Variants in MLANA observed in about 807,000 individuals in gnomAD.
MLANA encodes melan-A, also known as melanoma antigen recognized by T-cells 1.
MLANA carries 21 observed loss-of-function variants against 15.7 expected under a neutral mutation model. The ratio of observed to expected loss-of-function variants is 1.33; its 90% CI spans 0.95 to 1.92. The LOEUF is 1.92. Ranked by LOEUF, MLANA falls within the 40% of genes most tolerant of loss-of-function variation. The pLI, the probability that MLANA is intolerant of heterozygous loss-of-function variation, is 0.00. For missense variants in MLANA, 164 were observed against 143.8 expected (o/e 1.14, Z -0.72); for synonymous variants, 56 against 51.5 (o/e 1.09, Z -0.37).
intron 2 of MLANA, among the ~76,000 whole-genome samples, chr9:5,893,878 C>G (rs2129892937): frequency 6.6e-6 from 1 of 151,852 alleles, no homozygotes; most frequent in East Asian, 1.9e-4. Flanking sequence ...TCAAGGGGCA[C>G]ACGTCACTTC....
intron 2 of MLANA, among the ~76,000 whole-genome samples, chr9:5,896,171 T>C (rs1248011118): frequency 6.6e-6 from 1 of 152,226 alleles, no homozygotes; most frequent in African/African-American, 2.4e-5. Flanking sequence ...TGTGCAGCCC[T>C]GGGCACTTGA....
intron 2 of MLANA, among the ~76,000 whole-genome samples, chr9:5,893,104 C>A (rs1254447125): frequency 6.6e-6 from 1 of 152,206 alleles, no homozygotes; most frequent in Non-Finnish European, 1.5e-5. Flanking sequence ...TTAAGCATTT[C>A]TAAATGCTAA....
chr9:5,896,943 G>A (rs1296335242), intron 2 of MLANA, among the ~76,000 whole-genome samples: 1 of 152,164 alleles, frequency 6.6e-6, no homozygotes, highest in Admixed American at 6.5e-5. Flanking sequence ...GGGAAGGGAG[G>A]GCACGAACAT....
rs1794375450 is a variant in MLANA at position 5,908,495 on chromosome 9, T to C, written c.289-145T>C. ...TATACTTGTGAAATTTAACAATTAC[T>C]TCACTGGGCAGAAATTATATGGGAA... is the stretch of plus-strand genomic sequence containing the variant. On this transcript the variant is annotated intron_variant, in intron 4 of 4. Transcript: ENST00000381477. The C allele has an allele frequency of 1.2e-4, 90 of 720,988 alleles. No homozygotes were observed. The South Asian group carries it at 1.6e-3, about 13-fold the overall frequency. 44.7% of individuals were successfully genotyped at this position (720,988 alleles called of 1,614,324 possible).
intron 3 of MLANA, among the ~76,000 whole-genome samples, chr9:5,903,889 G>A (rs992941222): frequency 2.7e-5 from 4 of 150,538 alleles, no homozygotes; most frequent in Admixed American, 1.3e-4. Flanking sequence ...ACAGAGTCTC[G>A]CTGTGTCACC....
At chr9:5,900,155 C>T (rs1217691237) in intron 3 of MLANA, among the ~76,000 whole-genome samples, 1 of 152,102 alleles carries the variant, frequency 6.6e-6, no homozygotes, top group African/African-American at 2.4e-5. Context: ...TTCTTTTCTG[C>T]TTCAATGCTC....
intron 4 of MLANA, among the ~76,000 whole-genome samples, chr9:5,908,035 G>T (rs1455297361): frequency 6.6e-6 from 1 of 152,170 alleles, no homozygotes; most frequent in Non-Finnish European, 1.5e-5. Context: ...ATACAACACA[G>T]CATAATGGTT....
At chr9:5,902,821 A>T (rs1221175961) in intron 3 of MLANA, among the ~76,000 whole-genome samples, 1 of 151,806 alleles carries the variant, frequency 6.6e-6, no homozygotes, top group East Asian at 1.9e-4. Flanking sequence ...TCTTGTTTTC[A>T]ATTTCATTGA....
In MLANA at chr9:5,909,565, A is replaced by T. The variant is rs1389954050; in HGVS notation, c.*857A>T. ...GAGCCACCACGCCTGGCTGGATCCT[A>T]TATCTTAGGTAAGACATATAACGCA... On this transcript the variant is annotated 3_prime_UTR_variant, in exon 5 of 5. Transcript: ENST00000381477. 1 of 152,230 alleles carries T rather than the reference A, an allele frequency of 6.6e-6. No individual in the cohort carries two copies. The highest frequency in any genetic ancestry group is 1.5e-5 in the Non-Finnish European group (1 of 68,052). 9.4% of individuals were successfully genotyped at this position (152,230 alleles called of 1,614,324 possible). A position where few individuals can be genotyped will look rare whatever the true frequency, so the allele number is the denominator to read the frequency against.
intron 2 of MLANA, among the ~76,000 whole-genome samples, chr9:5,892,846 G>C (rs1193440831): frequency 1.3e-5 from 2 of 152,172 alleles, no homozygotes; most frequent in African/African-American, 4.8e-5. Context: ...AAAAACATCT[G>C]TTCAGGATCA....
At chr9:5,896,649 G>T (rs540147114) in intron 2 of MLANA, among the ~76,000 whole-genome samples, 1 of 152,172 alleles carries the variant, frequency 6.6e-6, no homozygotes, top group African/African-American at 2.4e-5. Flanking sequence ...CAGTTCTGTC[G>T]ATTTTGATCA....
Position 5,910,076 on chromosome 9 carries a change from T to C in MLANA, c.*1368T>C, listed in dbSNP as rs1307613488. 1 of 152,214 alleles carries C rather than the reference T, an allele frequency of 6.6e-6. No individual in the cohort carries two copies. Among genetic ancestry groups the C allele is most frequent in the Non-Finnish European group, 1.5e-5 (1 of 68,032 alleles). 9.4% of individuals were successfully genotyped at this position (152,214 alleles called of 1,614,324 possible). ...AAATACTAATGGTCACAGAAGGCTA[T>C]GAACCTGAGACCTGCTCTCTTTGTC... On this transcript the variant is annotated 3_prime_UTR_variant, in exon 5 of 5. Transcript: ENST00000381477.
In MLANA at chr9:5,910,553, T is replaced by G. The variant is rs984319024; in HGVS notation, c.*1845T>G. 2.6e-5 allele frequency: 4 copies of G among 152,178 alleles called. No individual in the cohort carries two copies. Among genetic ancestry groups the G allele is most frequent in the African/African-American group, 9.7e-5 (4 of 41,444 alleles). 9.4% of individuals were successfully genotyped at this position (152,178 alleles called of 1,614,324 possible). A position where few individuals can be genotyped will look rare whatever the true frequency, so the allele number is the denominator to read the frequency against. On this transcript the variant is annotated 3_prime_UTR_variant, in exon 5 of 5. Coordinates refer to ENST00000381477, the MANE Select transcript of MLANA (RefSeq NM_005511.2). ...AGGTCTCTGCTGAACCTCAATCCTGTACACTGAGGAACCTGTGGCTTGAAC... is the reference window on the plus strand; with the variant it reads ...AGGTCTCTGCTGAACCTCAATCCTGGACACTGAGGAACCTGTGGCTTGAAC...
At chr9:5,891,026 A>T (rs1054564725) in intron 1 of MLANA, 90 bp downstream of exon 1, 2 of 152,038 alleles carry the variant, frequency 1.3e-5, no homozygotes, top group Non-Finnish European at 2.9e-5. Flanking sequence ...GCCTACCCTC[A>T]TTGCCCCGCT....
At chr9:5,895,017 T>C (rs1361430803) in intron 2 of MLANA, among the ~76,000 whole-genome samples, 2 of 152,154 alleles carry the variant, frequency 1.3e-5, no homozygotes, top group Non-Finnish European at 2.9e-5. Context: ...TATCTGACAT[T>C]TTCCTTGAGA....
chr9:5,904,311 T>C (rs973766873), intron 3 of MLANA, among the ~76,000 whole-genome samples: 2 of 152,258 alleles, frequency 1.3e-5, no homozygotes, highest in African/African-American at 2.4e-5. Flanking sequence ...AAAGTAGTTA[T>C]TGATATAGTT....
intron 3 of MLANA, among the ~76,000 whole-genome samples, chr9:5,903,407 T>A (rs896409328): frequency 1.3e-5 from 2 of 152,340 alleles, no homozygotes; most frequent in Admixed American, 6.5e-5. Context: ...TTAGGTTTGA[T>A]TTGCTAATAT....
intron 2 of MLANA, among the ~76,000 whole-genome samples, chr9:5,897,241 C>A (rs946009098): frequency 3.3e-5 from 5 of 152,176 alleles, no homozygotes; most frequent in African/African-American, 1.2e-4. Flanking sequence ...GATAATTTAG[C>A]CCCAATAAAT....
chr9:5,895,396 T>A (rs1031559001), intron 2 of MLANA, among the ~76,000 whole-genome samples: 6 of 151,890 alleles, frequency 4.0e-5, no homozygotes, highest in South Asian at 2.1e-4. Context: ...TTTTTTTTTT[T>A]AATTTTTTTG....
Sources: gnomAD v4.1 joint callset for allele counts (sites outside exome capture counted in the v4.1 genomes callset) on GRCh38, gnomAD v4.1.1 for gene constraint, MANE v1.5 for transcripts, NCBI Gene and HGNC (gene_info 2026-07-23, HGNC 2026-07-21) for gene names.